Variants in SPATA6 observed in about 807,000 individuals in gnomAD.
The protein encoded by SPATA6 is spermatogenesis associated 6.
A neutral mutation model predicts 65.3 loss-of-function variants in SPATA6; 56 were observed. The ratio of observed to expected loss-of-function variants is 0.86; its 90% CI spans 0.69 to 1.07. SPATA6 has a LOEUF of 1.07. Ranked by LOEUF, SPATA6 falls within the 50% of genes least tolerant of loss-of-function variation. The probability of loss-of-function intolerance (pLI) is 0.00; values close to 1 mark genes in which losing one functional copy is unlikely to be tolerated. For synonymous variants in SPATA6, 199 were observed against 213.2 expected (o/e 0.93, Z 0.58); for missense variants, 590 against 594.8 (o/e 0.99, Z 0.08).
At position 48,430,511 on chromosome 1, in the gene SPATA6, A is replaced by G. The variant is rs116047132; in HGVS notation, c.239-17360T>C. On this transcript the variant is annotated intron_variant, in intron 3 of 12. Transcript: ENST00000371847. The stretch of plus-strand genomic sequence containing the variant: ...CTAAAGGGTGAAATGAAAGGACCCT[A>G]GACAGTAACACAAAGTCATACAAAG... Among the ~76,000 whole-genome samples, 919 of 152,290 alleles carry G rather than the reference A, an allele frequency of 6.0e-3. 9 individuals are homozygous for G. The highest frequency in any genetic ancestry group is 0.02 in the African/African-American group (843 of 41,580).
chr1:48,314,178 G>A (rs1238653128), intron 11 of SPATA6, among the ~76,000 whole-genome samples: 2 of 152,128 alleles, frequency 1.3e-5, no homozygotes, highest in East Asian at 3.9e-4. Flanking sequence ...ACTCAGCTCT[G>A]CACCAAGCAG....
chr1:48,414,879 T>C (rs931810503), intron 3 of SPATA6, among the ~76,000 whole-genome samples: 8 of 151,986 alleles, frequency 5.3e-5, no homozygotes, highest in South Asian at 2.1e-4. Flanking sequence ...GGCAGGAATA[T>C]TGGAATTACT....
Position 48,296,704 on chromosome 1 carries a change from A to G in SPATA6, c.*2009T>C, listed in dbSNP as rs1644818309. On this transcript the variant is annotated 3_prime_UTR_variant, in exon 13 of 13. Transcript: ENST00000371847. ...GACCTTCAAAAGCTGATTGTAAAAT[A>G]CCTCATCATATAATCTACAGCCAGA... 1 of 152,152 alleles carries G rather than the reference A, an allele frequency of 6.6e-6. No homozygotes were observed. Among genetic ancestry groups the G allele is most frequent in the African/African-American group, 2.4e-5 (1 of 41,436 alleles). 9.4% of individuals were successfully genotyped at this position (152,152 alleles called of 1,614,324 possible). A position where few individuals can be genotyped will look rare whatever the true frequency, so the allele number is the denominator to read the frequency against.
intron 8 of SPATA6, chr1:48,393,445 A>G (rs908659102): frequency 6.6e-6 from 1 of 152,168 alleles, no homozygotes; most frequent in African/African-American, 2.4e-5. Flanking sequence ...GAACTAATCC[A>G]TATTAAAGAA....
At position 48,471,948 on chromosome 1, in the gene SPATA6, C is replaced by T. The variant is rs771169388; in HGVS notation, c.51+10G>A. On this transcript the variant is annotated intron_variant, in intron 1 of 12. Coordinates refer to ENST00000371847, the MANE Select transcript of SPATA6 (RefSeq NM_019073.4). ...AATGCCCGGGGGTGGGAGGCGCTACCGGTACTCACTGAGCTGATCTCCAGC... is the reference window on the plus strand; with the variant it reads ...AATGCCCGGGGGTGGGAGGCGCTACTGGTACTCACTGAGCTGATCTCCAGC... 94 of 1,609,702 alleles carry T rather than the reference C, an allele frequency of 5.8e-5. No homozygotes were observed. Among genetic ancestry groups the T allele is most frequent in the Non-Finnish European group, 7.4e-5 (87 of 1,179,148 alleles).
intron 5 of SPATA6, among the ~76,000 whole-genome samples, chr1:48,408,079 T>C (rs1651871820): frequency 6.6e-6 from 1 of 152,264 alleles, no homozygotes; most frequent in Non-Finnish European, 1.5e-5. Context: ...TATAGTTTTA[T>C]AGACTTGCTA....
intron 5 of SPATA6, among the ~76,000 whole-genome samples, chr1:48,409,435 C>T (rs1652008957): frequency 6.6e-6 from 1 of 152,200 alleles, no homozygotes. Context: ...CAGTTTTTTC[C>T]AGGCACATGG....
intron 9 of SPATA6, among the ~76,000 whole-genome samples, chr1:48,381,496 C>T (rs1017133976): frequency 1.3e-5 from 2 of 151,998 alleles, no homozygotes; most frequent in Non-Finnish European, 2.9e-5. Context: ...TTGTGCTATA[C>T]TTCTTTTATC....
chr1:48,278,364 T>G, the SPATA6 span, among the ~76,000 whole-genome samples: 2 of 152,284 alleles, frequency 1.3e-5, no homozygotes, highest in Middle Eastern at 6.8e-3. Flanking sequence ...GAAGAAGGCT[T>G]CAGACGATCA....
At position 48,417,184 on chromosome 1, in the gene SPATA6, A is replaced by G. The variant is rs189084896; in HGVS notation, c.239-4033T>C. On this transcript the variant is annotated intron_variant, in intron 3 of 12. Coordinates refer to ENST00000371847, the MANE Select transcript of SPATA6 (RefSeq NM_019073.4). ...TTCATTATTTAAAGACAATGCAAACACAAAATGTTCAAAGTAATCTAAAGA... is the reference window on the plus strand; with the variant it reads ...TTCATTATTTAAAGACAATGCAAACGCAAAATGTTCAAAGTAATCTAAAGA... Among the ~76,000 whole-genome samples the G allele has an allele frequency of 1.6e-4, 24 of 152,348 alleles. No individual in the cohort carries two copies. The East Asian group carries it at 4.6e-3, about 29-fold the overall frequency.
intron 3 of SPATA6, among the ~76,000 whole-genome samples, chr1:48,427,672 T>G (rs1354649840): frequency 6.6e-6 from 1 of 152,142 alleles, no homozygotes; most frequent in Non-Finnish European, 1.5e-5. Context: ...TTAAACAACA[T>G]GGGGGCTAGG....
At chr1:48,285,097 G>A in the SPATA6 span, among the ~76,000 whole-genome samples, 1 of 152,182 alleles carries the variant, frequency 6.6e-6, no homozygotes, top group Admixed American at 6.5e-5. Context: ...CCTGTTTGGG[G>A]CTGCTGACTT....
In SPATA6 at chr1:48,436,661, G is replaced by A. The variant is rs972883645; in HGVS notation, c.238+14891C>T. On this transcript the variant is annotated intron_variant, in intron 3 of 12. Coordinates refer to ENST00000371847, the MANE Select transcript of SPATA6 (RefSeq NM_019073.4). Reference sequence around the variant, plus strand: ...CAGTTCAGCACATCAGTGCAGCCGTGGCTGAGTCCAGAACTACTGAGACAG... The same window carrying A: ...CAGTTCAGCACATCAGTGCAGCCGTAGCTGAGTCCAGAACTACTGAGACAG... 8 of 1,614,036 alleles carry A rather than the reference G, an allele frequency of 5.0e-6. No individual in the cohort carries two copies. In the African/African-American group the frequency reaches 9.3e-5, roughly 19 times the overall value.
At chr1:48,444,176 A>C (rs2148122241) in intron 3 of SPATA6, among the ~76,000 whole-genome samples, 1 of 152,316 alleles carries the variant, frequency 6.6e-6, no homozygotes, top group South Asian at 2.1e-4. Flanking sequence ...TTGTAAATGC[A>C]CCAAGCAGCA....
At chr1:48,307,360 T>A (rs1458729950) in intron 11 of SPATA6, among the ~76,000 whole-genome samples, 3 of 147,836 alleles carry the variant, frequency 2.0e-5, no homozygotes, top group Non-Finnish European at 4.5e-5. Flanking sequence ...ATATATATAA[T>A]TATATATTTA....
the SPATA6 span, among the ~76,000 whole-genome samples, chr1:48,282,161 T>C: frequency 4.6e-5 from 7 of 152,192 alleles, no homozygotes; most frequent in Non-Finnish European, 8.8e-5. Context: ...ATCTCTTCCT[T>C]ACACCTTTTA....
chr1:48,372,573 T>C (rs1255636345), intron 9 of SPATA6, among the ~76,000 whole-genome samples: 1 of 152,332 alleles, frequency 6.6e-6, no homozygotes, highest in Admixed American at 6.5e-5. Context: ...CATTCTGGGA[T>C]CTGGAGGATG....
chr1:48,382,141 A>AT (rs1217292505), intron 9 of SPATA6, among the ~76,000 whole-genome samples: 6 of 100,654 alleles, frequency 6.0e-5, no homozygotes, highest in East Asian at 5.7e-4. Context: ...CGATTTCTCA[A>AT]TTTTTTCCCC....
intron 11 of SPATA6, among the ~76,000 whole-genome samples, chr1:48,337,197 G>T (rs986806820): frequency 2.0e-5 from 3 of 151,792 alleles, no homozygotes; most frequent in African/African-American, 7.2e-5. Context: ...AGAAAACCAT[G>T]AATAAGAGAT....
Sources: gnomAD v4.1 joint callset for allele counts (sites outside exome capture counted in the v4.1 genomes callset) on GRCh38, gnomAD v4.1.1 for gene constraint, MANE v1.5 for transcripts, NCBI Gene and HGNC (gene_info 2026-07-23, HGNC 2026-07-21) for gene names.